Variants in VWA8 observed in about 807,000 individuals in gnomAD.
The protein encoded by VWA8 is von Willebrand factor A domain-containing protein 8.
A neutral mutation model predicts 241.5 loss-of-function variants in VWA8; 221 were observed. That is an observed-to-expected ratio of 0.91 (90% CI 0.82 to 1.02). VWA8 has a LOEUF of 1.02. VWA8 is among the 50% of genes least tolerant of loss of function. The pLI is 0.00. For synonymous variants in VWA8, 852 were observed against 827.1 expected, an observed-to-expected ratio of 1.03 and a Z score of -0.52; for missense variants, 2,322 against 2,328.7, an observed-to-expected ratio of 1.00 and a Z score of 0.06.
At chr13:41,818,640 A>G (rs968867076) in intron 15 of VWA8, among the ~76,000 whole-genome samples, 2 of 152,172 alleles carry the variant, frequency 1.3e-5, no homozygotes, top group African/African-American at 2.4e-5. Context: ...CTAAAACTCC[A>G]AAAGTGCTAA....
intron 17 of VWA8, among the ~76,000 whole-genome samples, chr13:41,801,112 C>G (rs1425321670): frequency 6.6e-6 from 1 of 151,488 alleles, no homozygotes; most frequent in Non-Finnish European, 1.5e-5. Context: ...TTTCTTAGAT[C>G]AACTCTTATT....
chr13:41,947,002 T>C (rs1427659448), intron 2 of VWA8, among the ~76,000 whole-genome samples: 2 of 152,204 alleles, frequency 1.3e-5, no homozygotes, highest in African/African-American at 2.4e-5. Context: ...CCCCAGCCTG[T>C]CGTCAGCAAG....
rs1054123007 is a variant in VWA8 at position 41,787,314 on chromosome 13, A to C, written c.2170+123T>G. On this transcript the variant is annotated intron_variant, in intron 18 of 44. Transcript: ENST00000379310. ...TTCATTTCTTCAAACTAATATATAA[A>C]ACAAAGTAGATGAAAACCAAAAACT... 8.4e-6 allele frequency: 6 copies of C among 713,886 alleles called. No individual in the cohort carries two copies. In the African/African-American group the frequency reaches 1.1e-4, roughly 13 times the overall value. 44.2% of individuals were successfully genotyped at this position (713,886 alleles called of 1,614,324 possible).
intron 1 of VWA8, among the ~76,000 whole-genome samples, chr13:41,955,628 A>G (rs1482901271): frequency 6.6e-6 from 1 of 152,096 alleles, no homozygotes; most frequent in Non-Finnish European, 1.5e-5. Flanking sequence ...ACAATGCCCA[A>G]AGTTTCAGTG....
intron 2 of VWA8, among the ~76,000 whole-genome samples, chr13:41,948,380 T>C (rs1162720054): frequency 2.0e-5 from 3 of 151,936 alleles, no homozygotes; most frequent in Non-Finnish European, 2.9e-5. Context: ...AGAAAGAAAA[T>C]GGGAAATAAC....
intron 9 of VWA8, among the ~76,000 whole-genome samples, chr13:41,882,066 A>C (rs1257929844): frequency 8.0e-6 from 1 of 124,792 alleles, no homozygotes; most frequent in Non-Finnish European, 1.7e-5. Context: ...TGCCAGGCGG[A>C]GGGTCTCCTC....
Position 41,701,394 on chromosome 13 carries a change from TGTGATGTA to T in VWA8, c.3354_3361del (p.Thr1119Ter), listed in dbSNP as rs1186930195. On this transcript the variant is annotated frameshift_variant, in exon 28 of 45. Coordinates refer to ENST00000379310, the MANE Select transcript of VWA8 (RefSeq NM_015058.2). LOFTEE classifies it high-confidence loss of function. ...ATCAAAAGAATAAGCAGACATACCA[TGTGATGTA>T]GCAATGTCACAGATTATATTAATTT... The T allele has an allele frequency of 3.1e-6, 5 of 1,598,512 alleles. No homozygotes were observed. The African/African-American group carries it at 6.8e-5, about 22-fold the overall frequency.
intron 20 of VWA8, among the ~76,000 whole-genome samples, chr13:41,766,134 T>C (rs970790679): frequency 3.3e-5 from 5 of 152,140 alleles, no homozygotes; most frequent in African/African-American, 1.2e-4. Context: ...TCAGGGACCA[T>C]GACTTTAAGA....
At chr13:41,761,031 TA>T in intron 21 of VWA8, 96 bp downstream of exon 21, 1 of 1,230,440 alleles carries the variant, frequency 8.1e-7, no homozygotes, top group Admixed American at 2.2e-5. Context: ...AACTGGTTTA[TA>T]AAATGGGCCT....
At chr13:41,703,476 C>G (rs560621762) in intron 26 of VWA8, 65 bp from the exon 27 acceptor site, 23 of 1,392,460 alleles carry the variant, frequency 1.7e-5, no homozygotes, top group Non-Finnish European at 2.2e-5. Context: ...AAAAATAACA[C>G]GGCATCTATT....
chr13:41,889,382 A>T lies in VWA8; in HGVS notation c.652-2021T>A, dbSNP rs74916516. On this transcript the variant is annotated intron_variant, in intron 5 of 44. Coordinates refer to ENST00000379310, the MANE Select transcript of VWA8 (RefSeq NM_015058.2). ...TAAGCATTCTTTGCGTACTAAGCCTATTTTTTTTTTTTTTCCGACAGAGTC... is the reference window on the plus strand; with the variant it reads ...TAAGCATTCTTTGCGTACTAAGCCTTTTTTTTTTTTTTTTCCGACAGAGTC... Among the ~76,000 whole-genome samples the T allele has an allele frequency of 6.1e-4, 87 of 141,474 alleles. 1 individual carries two copies. Among genetic ancestry groups the T allele is most frequent in the African/African-American group, 1.9e-3 (72 of 38,594 alleles). The allele number at this position is 141,474 out of a possible 152,430, so 92.8% of individuals were successfully genotyped here.
intron 40 of VWA8, among the ~76,000 whole-genome samples, chr13:41,602,651 T>G (rs1365944812): frequency 6.6e-6 from 1 of 152,148 alleles, no homozygotes; most frequent in Non-Finnish European, 1.5e-5. Context: ...AAGGTAACAA[T>G]GAAGTGAATC....
At chr13:41,648,356 T>C (rs757673593) in intron 37 of VWA8, among the ~76,000 whole-genome samples, 1 of 152,232 alleles carries the variant, frequency 6.6e-6, no homozygotes, top group Non-Finnish European at 1.5e-5. Flanking sequence ...TCTTTCCTCA[T>C]ACAGAACAAC....
At position 41,678,209 on chromosome 13, in the gene VWA8, G is replaced by C. The variant is rs185603438; in HGVS notation, c.4328-2913C>G. Among the ~76,000 whole-genome samples, 140 of 152,300 alleles carry C rather than the reference G, an allele frequency of 9.2e-4. 1 individual carries two copies. In the South Asian group the frequency reaches 0.015, roughly 16 times the overall value. On this transcript the variant is annotated intron_variant, in intron 35 of 44. Coordinates refer to ENST00000379310, the MANE Select transcript of VWA8 (RefSeq NM_015058.2). Reference sequence around the variant, plus strand: ...CAGAGCTAGGCATGGGTTGTCCCAAGAGACAAATAGCTCAGCAGGAAGAAA... The same window carrying C: ...CAGAGCTAGGCATGGGTTGTCCCAACAGACAAATAGCTCAGCAGGAAGAAA...
At chr13:41,842,862 G>A (rs1872122571) in intron 12 of VWA8, among the ~76,000 whole-genome samples, 2 of 152,182 alleles carry the variant, frequency 1.3e-5, no homozygotes, top group South Asian at 2.1e-4. Context: ...ATGTACAAGA[G>A]ACTGGGAAAA....
chr13:41,805,648 T>C (rs1870156209), intron 17 of VWA8, among the ~76,000 whole-genome samples: 1 of 152,026 alleles, frequency 6.6e-6, no homozygotes, highest in South Asian at 2.1e-4. Context: ...ACCCCATCTC[T>C]ACTAAAAATA....
intron 17 of VWA8, among the ~76,000 whole-genome samples, chr13:41,801,218 G>A (rs1383210153): frequency 6.6e-6 from 1 of 151,800 alleles, no homozygotes; most frequent in African/African-American, 2.4e-5. Flanking sequence ...ACAGTCTGCA[G>A]AATGCTTTGA....
rs869081141 is a variant in VWA8, at chr13:41,901,889, AATATATAT to A, written c.483+5689_483+5696del. The stretch of plus-strand genomic sequence containing the variant: ...TCAAAAAAAAAAAAAAAAAAAAAAA[AATATATAT>A]ATATATATATATATATACACACACA... On this transcript the variant is annotated intron_variant, in intron 4 of 44. Coordinates refer to ENST00000379310, the MANE Select transcript of VWA8 (RefSeq NM_015058.2). 8.4e-4 allele frequency among the ~76,000 whole-genome samples: 70 copies of A among 83,306 alleles called. 1 individual carries two copies. The highest frequency in any genetic ancestry group is 1.3e-3 in the Admixed American group (8 of 5,934). The allele number at this position is 83,306 out of a possible 152,430, so 54.7% of individuals were successfully genotyped here.
intron 9 of VWA8, among the ~76,000 whole-genome samples, chr13:41,875,577 TCTA>T (rs1444120909): frequency 1.3e-5 from 2 of 152,026 alleles, no homozygotes; most frequent in African/African-American, 2.4e-5. Context: ...TTCCCACCAC[TCTA>T]CTAACACTGA....
Sources: gnomAD v4.1 joint callset for allele counts (sites outside exome capture counted in the v4.1 genomes callset) on GRCh38, gnomAD v4.1.1 for gene constraint, MANE v1.5 for transcripts, NCBI Gene and HGNC (gene_info 2026-07-23, HGNC 2026-07-21) for gene names.